The following PLXNA4 variants were observed in gnomAD, a reference collection of about 807,000 sequenced individuals.
PLXNA4 encodes plexin A4, also known as plexin-A4.
In PLXNA4, 44 loss-of-function variants were observed where a neutral mutation model predicts 191.8. The ratio of observed to expected loss-of-function variants is 0.23; its 90% CI spans 0.18 to 0.29. PLXNA4 has a LOEUF of 0.29. Ranked by LOEUF, PLXNA4 falls within the 10% of genes least tolerant of loss-of-function variation. The probability of loss-of-function intolerance (pLI) is 1.00; values close to 1 mark genes in which losing one functional copy is unlikely to be tolerated. For synonymous variants in PLXNA4, 1,082 were observed against 1,009.5 expected (o/e 1.07, Z -1.36); for missense variants, 1,800 against 2,488.8 (o/e 0.72, Z 5.89).
chr7:132,556,181 T>C (rs1275642946), intron 1 of PLXNA4, among the ~76,000 whole-genome samples: 2 of 152,244 alleles, frequency 1.3e-5, no homozygotes, highest in South Asian at 2.1e-4. Flanking sequence ...TCCCAAACTT[T>C]CTCACTTCCT....
intron 5 of PLXNA4, among the ~76,000 whole-genome samples, chr7:132,236,333 C>A (rs1190666042): frequency 1.3e-5 from 2 of 152,138 alleles, no homozygotes; most frequent in East Asian, 1.9e-4. Context: ...CCATCTGCTG[C>A]CCTTCTCTTC....
chr7:132,293,931 C>A (rs13243152), intron 4 of PLXNA4, among the ~76,000 whole-genome samples: 45,413 of 152,092 alleles, frequency 0.3, 6,959 homozygotes, highest in Admixed American at 0.42. Flanking sequence ...CATTTAGTCA[C>A]CCATTCCACA....
chr7:132,339,876 G>GT, intron 3 of PLXNA4, among the ~76,000 whole-genome samples: 1 of 152,174 alleles, frequency 6.6e-6, no homozygotes, highest in East Asian at 1.9e-4. Flanking sequence ...GCCTCTAAGG[G>GT]TTCTTATGTA....
In PLXNA4 at chr7:132,227,432, G is replaced by A. The variant is rs1219188750; in HGVS notation, c.1882+19C>T. ...CAGGAGGAAGAAGTGCCACTCAGCT[G>A]TGCCTCCGGGATGCTCACCATTCTC... On this transcript the variant is annotated intron_variant, in intron 7 of 31. Transcript: ENST00000321063. 6.2e-7 allele frequency: 1 copy of A among 1,614,020 alleles called. No individual in the cohort carries two copies. Among genetic ancestry groups the A allele is most frequent in the Non-Finnish European group, 8.5e-7 (1 of 1,179,976 alleles).
At chr7:132,206,610 C>T (rs1207452644) in intron 10 of PLXNA4, among the ~76,000 whole-genome samples, 2 of 152,102 alleles carry the variant, frequency 1.3e-5, no homozygotes, top group African/African-American at 2.4e-5. Context: ...AATCGTTAAC[C>T]CCATGTGCTC....
intron 3 of PLXNA4, among the ~76,000 whole-genome samples, chr7:132,314,658 C>T (rs1044722323): frequency 6.6e-6 from 1 of 152,194 alleles, no homozygotes; most frequent in Non-Finnish European, 1.5e-5. Flanking sequence ...AAGAGGTCCT[C>T]ACGGAGGTTC....
At chr7:132,472,832 G>A (rs1796979901) in intron 3 of PLXNA4, among the ~76,000 whole-genome samples, 1 of 152,172 alleles carries the variant, frequency 6.6e-6, no homozygotes. Context: ...GTGGCCAGCG[G>A]GGAACAGGCT....
chr7:132,179,976 A>G, intron 19 of PLXNA4, 55 bp from the exon 20 acceptor site: 1 of 1,534,820 alleles, frequency 6.5e-7, no homozygotes, highest in Non-Finnish European at 8.8e-7. Context: ...CAGCTTTGGC[A>G]ACAGTCCCAA....
intron 1 of PLXNA4, among the ~76,000 whole-genome samples, chr7:132,524,663 C>T (rs1050801373): frequency 6.6e-6 from 1 of 152,026 alleles, no homozygotes; most frequent in African/African-American, 2.4e-5. Flanking sequence ...ACAACCTCTG[C>T]CTCCCGGGTT....
At chr7:132,250,977 C>G (rs901760605) in intron 4 of PLXNA4, among the ~76,000 whole-genome samples, 3 of 152,042 alleles carry the variant, frequency 2.0e-5, no homozygotes, top group African/African-American at 7.2e-5. Flanking sequence ...TGAAAGTTTC[C>G]CTCCCCATCC....
chr7:132,183,536 C>A (rs1378346655), intron 16 of PLXNA4, among the ~76,000 whole-genome samples: 1 of 152,190 alleles, frequency 6.6e-6, no homozygotes, highest in Non-Finnish European at 1.5e-5. Flanking sequence ...CAGCTGAGTG[C>A]CAGTTAGGGT....
At chr7:132,352,218 C>CT (rs1803516872) in intron 3 of PLXNA4, 2 of 152,516 alleles carry the variant, frequency 1.3e-5, no homozygotes, top group East Asian at 3.9e-4. Context: ...CAAAACACAG[C>CT]TTTTTTCCTC....
chr7:132,318,661 CTTTTTTT>C (rs56179808), intron 3 of PLXNA4, among the ~76,000 whole-genome samples: 1,332 of 109,892 alleles, frequency 0.012, 36 homozygotes, highest in African/African-American at 0.047. Context: ...ACGCACTTTG[CTTTTTTT>C]TTTTTTTTTT....
chr7:132,354,924 A>G (rs563717792), intron 3 of PLXNA4, among the ~76,000 whole-genome samples: 1 of 152,282 alleles, frequency 6.6e-6, no homozygotes, highest in East Asian at 1.9e-4. Context: ...GATGACACAA[A>G]TGCCTGCTTT....
Position 132,388,553 on chromosome 7 carries a change from C to T in PLXNA4, c.1372-90331G>A, listed in dbSNP as rs534951093. 4.6e-5 allele frequency among the ~76,000 whole-genome samples: 7 copies of T among 152,252 alleles called. 1 individual carries two copies. Among genetic ancestry groups the T allele is most frequent in the African/African-American group, 1.7e-4 (7 of 41,554 alleles). On this transcript the variant is annotated intron_variant, in intron 3 of 31. Coordinates refer to ENST00000321063, the MANE Select transcript of PLXNA4 (RefSeq NM_020911.2). ...TTTGGTTCAGAAAAAAAAAGGTCTC[C>T]TTATTAATGTCTTTTCTGTGTCCTG...
At chr7:132,131,219 A>G (rs1054674755) in intron 31 of PLXNA4, among the ~76,000 whole-genome samples, 6 of 152,312 alleles carry the variant, frequency 3.9e-5, no homozygotes, top group Admixed American at 3.9e-4. Context: ...ACAGCCAGCA[A>G]ATGTGGCCCA....
intron 3 of PLXNA4, among the ~76,000 whole-genome samples, chr7:132,327,619 G>C (rs1001992248): frequency 6.6e-6 from 1 of 152,134 alleles, no homozygotes; most frequent in African/African-American, 2.4e-5. Flanking sequence ...TATGCATCAA[G>C]GTTCTGCTAT....
At chr7:132,297,932 T>C (rs1801162867) in intron 4 of PLXNA4, among the ~76,000 whole-genome samples, 159 bp downstream of exon 4, 1 of 152,158 alleles carries the variant, frequency 6.6e-6, no homozygotes, top group Admixed American at 6.5e-5. Context: ...CAAGCCTCAG[T>C]CCCCAGGCAG....
intron 14 of PLXNA4, among the ~76,000 whole-genome samples, chr7:132,191,285 C>G (rs1348980618): frequency 6.6e-6 from 1 of 152,156 alleles, no homozygotes; most frequent in East Asian, 1.9e-4. Flanking sequence ...GACTCTGGGA[C>G]ATGGTGATGG....
Sources: allele counts gnomAD v4.1 joint callset (sites outside exome capture counted in the v4.1 genomes callset), GRCh38; gene constraint gnomAD v4.1.1; transcripts MANE v1.5; gene names NCBI Gene and HGNC (gene_info 2026-07-23, HGNC 2026-07-21).